Variants in MTUS2 observed in about 807,000 individuals in gnomAD.
MTUS2 encodes the protein microtubule associated scaffold protein 2.
In MTUS2, 40 loss-of-function variants were observed where a neutral mutation model predicts 114.1. The ratio of observed to expected loss-of-function variants is 0.35; its 90% CI spans 0.27 to 0.46. The LOEUF is 0.46. Ranked by LOEUF, MTUS2 falls within the 20% of genes least tolerant of loss-of-function variation. MTUS2 has a pLI of 1.00. For missense variants in MTUS2, 1,679 were observed against 1,705.4 expected, an observed-to-expected ratio of 0.98 and a Z score of 0.27; for synonymous variants, 688 against 672.0, an observed-to-expected ratio of 1.02 and a Z score of -0.37.
intron 1 of MTUS2, among the ~76,000 whole-genome samples, chr13:28,829,181 A>T (rs1275429593): frequency 3.3e-5 from 5 of 152,190 alleles, no homozygotes; most frequent in Non-Finnish European, 5.9e-5. Flanking sequence ...GTCATTTTTA[A>T]ACTTACCTTA....
chr13:29,260,605 A>G (rs1402576811), intron 5 of MTUS2, among the ~76,000 whole-genome samples: 1 of 152,258 alleles, frequency 6.6e-6, no homozygotes. Flanking sequence ...TATAGTCCCC[A>G]TGTAGCTAAA....
At chr13:28,847,328 A>G (rs1026112859) in intron 2 of MTUS2, among the ~76,000 whole-genome samples, 2 of 152,004 alleles carry the variant, frequency 1.3e-5, no homozygotes. Flanking sequence ...AGGGTGGAGT[A>G]TAAGTTTTTG....
At chr13:29,032,920 A>C (rs1477869812) in intron 3 of MTUS2, among the ~76,000 whole-genome samples, 1 of 152,198 alleles carries the variant, frequency 6.6e-6, no homozygotes, top group African/African-American at 2.4e-5. Context: ...AACTTAAAGG[A>C]ATAGTTTATT....
chr13:28,938,257 CT>C (rs1882021831), intron 2 of MTUS2, among the ~76,000 whole-genome samples: 1 of 151,980 alleles, frequency 6.6e-6, no homozygotes. Context: ...TGTCGCGTGC[CT>C]GTAGTCCTAG....
chr13:29,469,606 A>G lies in MTUS2; in HGVS notation c.3185-10544A>G, dbSNP rs554661176. On this transcript the variant is annotated intron_variant, in intron 9 of 15. Coordinates refer to ENST00000612955, the MANE Select transcript of MTUS2 (RefSeq NM_001033602.4). ...CGCGCCACTGCACTCCAGCCTGGGCAACAGAGCAAGACTATGTCTCAAAAA... is the reference window on the plus strand; with the variant it reads ...CGCGCCACTGCACTCCAGCCTGGGCGACAGAGCAAGACTATGTCTCAAAAA... Among the ~76,000 whole-genome samples, 416 of 149,980 alleles carry G rather than the reference A, an allele frequency of 2.8e-3. 3 individuals are homozygous for G. The highest frequency in any genetic ancestry group is 9.8e-3 in the African/African-American group (399 of 40,662).
chr13:28,832,332 A>G (rs966429524), intron 1 of MTUS2, among the ~76,000 whole-genome samples: 3 of 152,230 alleles, frequency 2.0e-5, no homozygotes, highest in Non-Finnish European at 4.4e-5. Flanking sequence ...CCTGACCACA[A>G]TGGAATGATA....
intron 11 of MTUS2, among the ~76,000 whole-genome samples, chr13:29,488,437 C>CTTTT (rs35983023): frequency 7.9e-5 from 9 of 113,772 alleles, no homozygotes; most frequent in Non-Finnish European, 1.0e-4. Context: ...TTTTTTTCCT[C>CTTTT]TTTTTTTTTT....
chr13:28,942,195 C>G (rs1882276069), intron 2 of MTUS2, among the ~76,000 whole-genome samples: 1 of 152,100 alleles, frequency 6.6e-6, no homozygotes, highest in Admixed American at 6.6e-5. Flanking sequence ...ATGCACTTCA[C>G]AAACGAGGAT....
chr13:29,272,203 A>G (rs945696594), intron 5 of MTUS2, among the ~76,000 whole-genome samples: 1 of 152,224 alleles, frequency 6.6e-6, no homozygotes, highest in Non-Finnish European at 1.5e-5. Context: ...AATTAAACTA[A>G]ATATTATCAC....
At chr13:29,048,786 A>G (rs1186598865) in intron 4 of MTUS2, among the ~76,000 whole-genome samples, 6 of 151,878 alleles carry the variant, frequency 4.0e-5, no homozygotes, top group Non-Finnish European at 8.8e-5. Flanking sequence ...TGTATTTTTT[A>G]TAGTGGTGGG....
At chr13:28,916,346 A>G (rs1354045631) in intron 2 of MTUS2, among the ~76,000 whole-genome samples, 1 of 151,922 alleles carries the variant, frequency 6.6e-6, no homozygotes, top group East Asian at 1.9e-4. Context: ...TGTCGTTGGT[A>G]TTTTGATAGG....
At chr13:28,821,717 G>T (rs950516774) in intron 1 of MTUS2, among the ~76,000 whole-genome samples, 2 of 152,166 alleles carry the variant, frequency 1.3e-5, no homozygotes, top group African/African-American at 4.8e-5. Context: ...TGTAGCCAGG[G>T]GTGAGACCCA....
At chr13:29,291,390 T>A (rs550240806) in intron 6 of MTUS2, among the ~76,000 whole-genome samples, 6 of 152,374 alleles carry the variant, frequency 3.9e-5, no homozygotes, top group Non-Finnish European at 4.4e-5. Context: ...AGCCTCCATT[T>A]TTGTTTTCAA....
intron 8 of MTUS2, among the ~76,000 whole-genome samples, chr13:29,402,688 G>C (rs555957266): frequency 6.6e-6 from 1 of 152,298 alleles, no homozygotes; most frequent in Admixed American, 6.5e-5. Flanking sequence ...TCTCCATGAG[G>C]TTGGTCTGCA....
intron 13 of MTUS2, 29 bp downstream of exon 13, chr13:29,497,365 C>G: frequency 1.3e-6 from 2 of 1,584,920 alleles, no homozygotes; most frequent in Non-Finnish European, 1.7e-6. Flanking sequence ...GCTTCCAGCC[C>G]CGCAGGAACC....
chr13:28,891,751 G>T (rs1487389822), intron 2 of MTUS2, among the ~76,000 whole-genome samples: 2 of 150,066 alleles, frequency 1.3e-5, no homozygotes, highest in East Asian at 2.0e-4. Flanking sequence ...GCTGGTGCGT[G>T]CCTGTAATCC....
chr13:29,406,616 G>A (rs1301423080), intron 8 of MTUS2, among the ~76,000 whole-genome samples: 1 of 152,110 alleles, frequency 6.6e-6, no homozygotes, highest in Non-Finnish European at 1.5e-5. Context: ...ATATACTACT[G>A]GTGACACAGA....
chr13:28,861,518 T>A (rs1294355520), intron 2 of MTUS2, among the ~76,000 whole-genome samples: 1 of 151,638 alleles, frequency 6.6e-6, no homozygotes, highest in African/African-American at 2.4e-5. Context: ...TGATTTTGCA[T>A]GTATGTGAAT....
intron 2 of MTUS2, among the ~76,000 whole-genome samples, chr13:28,846,779 C>G (rs1334996995): frequency 6.6e-6 from 1 of 152,200 alleles, no homozygotes; most frequent in East Asian, 1.9e-4. Context: ...GCAAACATAA[C>G]AAAATTGATA....
Sources: allele counts gnomAD v4.1 joint callset (sites outside exome capture counted in the v4.1 genomes callset), GRCh38; gene constraint gnomAD v4.1.1; transcripts MANE v1.5; gene names NCBI Gene and HGNC (gene_info 2026-07-23, HGNC 2026-07-21).